TBCK: variants seen among roughly 807,000 people sequenced by gnomAD.
TBCK encodes TBC domain-containing protein kinase-like protein.
A neutral mutation model predicts 113.4 loss-of-function variants in TBCK; 99 were observed. That is an observed-to-expected ratio of 0.87 (90% CI 0.74 to 1.03). The LOEUF is 1.03. Ranked by LOEUF, TBCK falls within the 50% of genes least tolerant of loss-of-function variation. TBCK has a pLI of 0.00. For missense variants in TBCK, 1,045 were observed against 1,061.3 expected, an observed-to-expected ratio of 0.98 and a Z score of 0.21; for synonymous variants, 369 against 370.8, an observed-to-expected ratio of 1.00 and a Z score of 0.05.
chr4:106,115,412 C>T (rs1240846910), intron 24 of TBCK, among the ~76,000 whole-genome samples: 1 of 152,136 alleles, frequency 6.6e-6, no homozygotes, highest in Admixed American at 6.5e-5. Flanking sequence ...CCAATTTTAG[C>T]ATATAAGAAA....
intron 3 of TBCK, among the ~76,000 whole-genome samples, chr4:106,274,878 T>C (rs1287257111): frequency 6.6e-6 from 1 of 152,122 alleles, no homozygotes; most frequent in East Asian, 1.9e-4. Flanking sequence ...AGGCCTGTAA[T>C]CTCAGTGCTG....
At chr4:106,203,478 T>C (rs971693477) in intron 20 of TBCK, among the ~76,000 whole-genome samples, 1 of 151,810 alleles carries the variant, frequency 6.6e-6, no homozygotes, top group Non-Finnish European at 1.5e-5. Context: ...AGTAAATGGT[T>C]AATTTTTTTC....
intron 25 of TBCK, among the ~76,000 whole-genome samples, chr4:106,049,697 C>T (rs1013509104): frequency 4.0e-5 from 6 of 151,602 alleles, no homozygotes; most frequent in Admixed American, 3.9e-4. Context: ...AGACTCCACC[C>T]AGAAATTACA....
intron 25 of TBCK, among the ~76,000 whole-genome samples, chr4:106,088,048 G>C (rs925189205): frequency 2.0e-5 from 3 of 152,190 alleles, no homozygotes; most frequent in Admixed American, 1.3e-4. Context: ...CATGGGCAAA[G>C]ACTTCATGAC....
chr4:106,157,396 T>G (rs1337563055), intron 23 of TBCK, among the ~76,000 whole-genome samples: 1 of 152,042 alleles, frequency 6.6e-6, no homozygotes, highest in East Asian at 1.9e-4. Flanking sequence ...CACTTTAATC[T>G]AAGTTAAGCA....
intron 23 of TBCK, among the ~76,000 whole-genome samples, chr4:106,154,821 T>C (rs2149690847): frequency 6.6e-6 from 1 of 152,310 alleles, no homozygotes; most frequent in African/African-American, 2.4e-5. Flanking sequence ...GTTATAGCAG[T>C]TTGAGAATGG....
intron 19 of TBCK, among the ~76,000 whole-genome samples, chr4:106,219,445 G>A (rs1757411297): frequency 6.6e-6 from 1 of 151,596 alleles, no homozygotes; most frequent in South Asian, 2.1e-4. Context: ...AGAATACCAT[G>A]TTTAATCAGA....
At chr4:106,069,645 T>A (rs1479274780) in intron 25 of TBCK, among the ~76,000 whole-genome samples, 1 of 152,206 alleles carries the variant, frequency 6.6e-6, no homozygotes, top group African/African-American at 2.4e-5. Flanking sequence ...TTTGGTTCCA[T>A]ATGAACTTTA....
intron 24 of TBCK, among the ~76,000 whole-genome samples, chr4:106,109,150 C>T (rs185595326): frequency 6.6e-6 from 1 of 152,214 alleles, no homozygotes; most frequent in East Asian, 1.9e-4. Flanking sequence ...AATGGAAAGA[C>T]ATCCCATGCT....
chr4:106,131,846 T>C (rs940792391), intron 23 of TBCK, among the ~76,000 whole-genome samples: 2 of 152,158 alleles, frequency 1.3e-5, no homozygotes, highest in Admixed American at 6.5e-5. Context: ...AGGTCCAGGC[T>C]GAGGTAGTCT....
At chr4:106,309,107 T>C in intron 1 of TBCK, 118 bp from the exon 2 acceptor site, 3 of 565,826 alleles carry the variant, frequency 5.3e-6, no homozygotes, top group African/African-American at 1.9e-5. Flanking sequence ...ACAGTAAAAA[T>C]ATCAAAGTAT....
At chr4:106,128,246 G>C (rs1484953490) in intron 23 of TBCK, among the ~76,000 whole-genome samples, 1 of 152,100 alleles carries the variant, frequency 6.6e-6, no homozygotes, top group East Asian at 1.9e-4. Context: ...CCCAATTTTA[G>C]AAAAAGAAAA....
At chr4:106,129,637 C>CATATA (rs1652730809) in intron 23 of TBCK, among the ~76,000 whole-genome samples, 1 of 151,994 alleles carries the variant, frequency 6.6e-6, no homozygotes, top group African/African-American at 2.4e-5. Context: ...GAGATATAAA[C>CATATA]ATATACTTGA....
At position 106,189,416 on chromosome 4, in the gene TBCK, GAAT is replaced by G. The variant is rs571195592; in HGVS notation, c.2059+4190_2059+4192del. On this transcript the variant is annotated intron_variant, in intron 22 of 25. Coordinates refer to ENST00000394708, the MANE Select transcript of TBCK (RefSeq NM_001163435.3). ...TCATGTAGCTACAAGCAGAAAATGGGAATAATTAATTCTCAGCTTCAGGTAAAG... is the reference window on the plus strand; with the variant it reads ...TCATGTAGCTACAAGCAGAAAATGGGAATTAATTCTCAGCTTCAGGTAAAG... 1.5e-4 allele frequency among the ~76,000 whole-genome samples: 23 copies of G among 151,446 alleles called. No homozygotes were observed. The South Asian group carries it at 4.6e-3, about 30-fold the overall frequency.
intron 22 of TBCK, among the ~76,000 whole-genome samples, 154 bp from the exon 23 acceptor site, chr4:106,171,424 A>C (rs1321111442): frequency 6.6e-6 from 1 of 152,138 alleles, no homozygotes. Flanking sequence ...TGTATATATT[A>C]ATCAGCATAT....
intron 22 of TBCK, among the ~76,000 whole-genome samples, chr4:106,172,448 G>T (rs977095312): frequency 2.0e-5 from 3 of 152,120 alleles, no homozygotes; most frequent in Non-Finnish European, 4.4e-5. Flanking sequence ...AGAAATTCAA[G>T]AAGTTGACTG....
At chr4:106,178,477 G>A (rs1751950520) in intron 22 of TBCK, among the ~76,000 whole-genome samples, 1 of 151,948 alleles carries the variant, frequency 6.6e-6, no homozygotes, top group African/African-American at 2.4e-5. Flanking sequence ...TTATTGTTCT[G>A]AGGTGTGGTC....
chr4:106,171,392 A>T (rs1035008973), intron 22 of TBCK, 122 bp from the exon 23 acceptor site: 7 of 674,702 alleles, frequency 1.0e-5, no homozygotes, highest in Admixed American at 3.8e-5. Flanking sequence ...GTTATTAGAA[A>T]AAATGTCAGT....
At chr4:106,075,047 T>C (rs1378067527) in intron 25 of TBCK, among the ~76,000 whole-genome samples, 1 of 152,082 alleles carries the variant, frequency 6.6e-6, no homozygotes, top group Non-Finnish European at 1.5e-5. Context: ...AGATCTATGA[T>C]GGGAGGTGGG....
Sources: gnomAD v4.1 joint callset for allele counts (sites outside exome capture counted in the v4.1 genomes callset) on GRCh38, gnomAD v4.1.1 for gene constraint, MANE v1.5 for transcripts, NCBI Gene and HGNC (gene_info 2026-07-23, HGNC 2026-07-21) for gene names.